The following PLAT variants were observed in gnomAD, a reference collection of about 807,000 sequenced individuals.
PLAT encodes the protein tissue-type plasminogen activator.
A neutral mutation model predicts 74.9 loss-of-function variants in PLAT; 48 were observed. The observed-to-expected ratio is 0.64, with a 90% CI of 0.51 to 0.82. PLAT has a LOEUF of 0.82. Ranked by LOEUF, PLAT falls within the 40% of genes least tolerant of loss-of-function variation. The probability of loss-of-function intolerance (pLI) is 0.00; values close to 1 mark genes in which losing one functional copy is unlikely to be tolerated. For synonymous variants in PLAT, 307 were observed against 294.4 expected, an observed-to-expected ratio of 1.04 and a Z score of -0.44; for missense variants, 673 against 736.2, an observed-to-expected ratio of 0.91 and a Z score of 0.99.
Position 42,203,990 on chromosome 8 carries a change from TATAC to T in PLAT, c.-27+3500_-27+3503del, listed in dbSNP as rs1441455149. Among the ~76,000 whole-genome samples the T allele has an allele frequency of 3.0e-3, 359 of 121,090 alleles. 5 individuals carry two copies. Among genetic ancestry groups the T allele is most frequent in the East Asian group, 5.7e-3 (26 of 4,576 alleles). 79.4% of individuals were successfully genotyped at this position (121,090 alleles called of 152,430 possible). ...TAAATTATATATATATATATATATA[TATAC>T]ACACACACACACACACACACACACA... On this transcript the variant is annotated intron_variant, in intron 1 of 13. Transcript: ENST00000220809.
At chr8:42,177,257 AC>A (rs1805010243) in intron 13 of PLAT, among the ~76,000 whole-genome samples, 1 of 151,926 alleles carries the variant, frequency 6.6e-6, no homozygotes, top group Non-Finnish European at 1.5e-5. Context: ...CACCTGACCA[AC>A]TCTTGTTTAT....
At chr8:42,194,643 T>A (rs1455997241) in intron 1 of PLAT, among the ~76,000 whole-genome samples, 4 of 152,196 alleles carry the variant, frequency 2.6e-5, no homozygotes, top group Non-Finnish European at 5.9e-5. Flanking sequence ...CTTGGACTTC[T>A]GCAGCGGAAG....
At chr8:42,179,133 A>G (rs1176287836) in intron 12 of PLAT, 70 bp from the exon 13 acceptor site, 3 of 1,077,488 alleles carry the variant, frequency 2.8e-6, no homozygotes, top group African/African-American at 3.1e-5. Flanking sequence ...GAGAAAGCCA[A>G]ATTTTCCAAT....
Position 42,185,088 on chromosome 8 carries a change from G to A in PLAT, c.624C>T (p.Cys208=), listed in dbSNP as rs771671025. The A allele has an allele frequency of 6.2e-7, 1 of 1,601,980 alleles. No individual in the cohort carries two copies. Among genetic ancestry groups the A allele is most frequent in the South Asian group, 1.1e-5 (1 of 89,520 alleles). The change falls in exon 7 of 14, where the codon TGC becomes TGT. Residue 208 remains cysteine, a synonymous_variant. Transcript: ENST00000220809. ...YSSEFCSTPA[C]SEGNSDCYFG... The stretch of plus-strand genomic sequence containing the variant: ...GGGGTGGCTGCCACTTACCCTCAGA[G>A]CAGGCAGGGGTGCTGCAGAACTCTG...
intron 1 of PLAT, among the ~76,000 whole-genome samples, chr8:42,202,517 C>A (rs1585439530): frequency 6.6e-6 from 1 of 152,094 alleles, no homozygotes; most frequent in Non-Finnish European, 1.5e-5. Flanking sequence ...GCCCCCCCAG[C>A]CCTCAAGCAC....
intron 1 of PLAT, among the ~76,000 whole-genome samples, chr8:42,201,453 T>C (rs1461825355): frequency 6.6e-6 from 1 of 152,182 alleles, no homozygotes; most frequent in Non-Finnish European, 1.5e-5. Context: ...CTGGAACAAC[T>C]TGAAGCTGCT....
At chr8:42,182,565 T>A (rs1006994803) in intron 8 of PLAT, 154 bp downstream of exon 8, 1 of 593,486 alleles carries the variant, frequency 1.7e-6, no homozygotes, top group East Asian at 2.9e-5. Flanking sequence ...TATGTGTTAT[T>A]CTAGCAAGTG....
chr8:42,191,446 A>G, intron 2 of PLAT, 32 bp from the exon 3 acceptor site: 1 of 1,608,822 alleles, frequency 6.2e-7, no homozygotes, highest in Non-Finnish European at 8.5e-7. Context: ...AGGAAGGATC[A>G]GCACATGCCA....
At chr8:42,203,992 T>TATATATATACAC (rs1554499838) in intron 1 of PLAT, among the ~76,000 whole-genome samples, 1 of 109,866 alleles carries the variant, frequency 9.1e-6, no homozygotes, top group African/African-American at 5.2e-5. Context: ...TATATATATA[T>TATATATATACAC]ACACACACAC....
chr8:42,200,014 AAC>A (rs1298345178), intron 1 of PLAT, among the ~76,000 whole-genome samples: 3 of 152,226 alleles, frequency 2.0e-5, no homozygotes, highest in Non-Finnish European at 4.4e-5. Flanking sequence ...ACTGATCAGA[AAC>A]TTTCATTGTA....
rs543172643 is a variant in PLAT, at chr8:42,175,971, T to C, written c.*22A>G. 3.1e-6 allele frequency: 5 copies of C among 1,612,596 alleles called. 1 individual carries two copies. The South Asian group carries it at 5.5e-5, about 18-fold the overall frequency. The stretch of plus-strand genomic sequence containing the variant: ...AGAAGAGGCGGGATCTCATTTGCTT[T>C]TGAGGAGTCGGGTGTTCCTGGTCAC... On this transcript the variant is annotated 3_prime_UTR_variant, in exon 14 of 14. Coordinates refer to ENST00000220809, the MANE Select transcript of PLAT (RefSeq NM_000930.5).
intron 1 of PLAT, among the ~76,000 whole-genome samples, chr8:42,202,361 C>T (rs1451582386): frequency 3.3e-5 from 5 of 151,970 alleles, no homozygotes; most frequent in East Asian, 1.9e-4. Flanking sequence ...ACTGGGTTAT[C>T]GGGTTTAGCA....
rs76539477 is a variant in PLAT at position 42,195,929 on chromosome 8, C to T, written c.-26-2718G>A. On this transcript the variant is annotated intron_variant, in intron 1 of 13. Transcript: ENST00000220809. Reference sequence around the variant, plus strand: ...ACAAGGAACTTGACCTTCTTCATCACGCTGTCCACACCACCCAGCCCTCTC... The same window carrying T: ...ACAAGGAACTTGACCTTCTTCATCATGCTGTCCACACCACCCAGCCCTCTC... 6.8e-3 allele frequency among the ~76,000 whole-genome samples: 1,029 copies of T among 152,338 alleles called. 4 individuals are homozygous for T. The highest frequency in any genetic ancestry group is 0.011 in the Admixed American group (176 of 15,308).
chr8:42,188,933 C>A lies in PLAT; in HGVS notation c.253+1G>T. 9 of 1,612,662 alleles carry A rather than the reference C, an allele frequency of 5.6e-6. No homozygotes were observed. Among genetic ancestry groups the A allele is most frequent in the Non-Finnish European group, 7.6e-6 (9 of 1,179,020 alleles). On this transcript the variant is annotated splice_donor_variant, in intron 4 of 13. Transcript: ENST00000220809. LOFTEE classifies it high-confidence loss of function. ...CACCACCTCCCAGCCTCAGTACATA[C>A]TTTTGACAGGCACTGAGTGGCACTG...
Position 42,191,411 on chromosome 8 carries a change from T to C in PLAT, c.76A>G (p.Ile26Val), listed in dbSNP as rs1214042840. Residue 26 changes from isoleucine to valine, a missense_variant, in exon 3 of 14, where the codon ATC (isoleucine) becomes GTC (valine). By Grantham distance (29) the Ile-to-Val change is conservative. Coordinates refer to ENST00000220809, the MANE Select transcript of PLAT (RefSeq NM_000930.5). Reference protein sequence around the residue: ...GAVFVSPSQEIHARFRRGARS... With the variant: ...GAVFVSPSQEVHARFRRGARS... Reference sequence around the variant, plus strand: ...GCTCCTCTTCTGAATCGGGCATGGATTTCCTGCGAAGAAACCAGAGGTGGA... The same window carrying C: ...GCTCCTCTTCTGAATCGGGCATGGACTTCCTGCGAAGAAACCAGAGGTGGA... 6.8e-6 allele frequency: 11 copies of C among 1,613,946 alleles called. No homozygotes were observed. The highest frequency in any genetic ancestry group is 9.3e-6 in the Non-Finnish European group (11 of 1,179,976).
intron 2 of PLAT, among the ~76,000 whole-genome samples, chr8:42,192,709 T>A (rs1260349034): frequency 6.6e-6 from 1 of 152,204 alleles, no homozygotes; most frequent in Non-Finnish European, 1.5e-5. Flanking sequence ...CCATTCTATA[T>A]GAGGAACTTG....
intron 8 of PLAT, 100 bp from the exon 9 acceptor site, chr8:42,182,122 C>T (rs1223781437): frequency 1.4e-6 from 1 of 719,298 alleles, no homozygotes; most frequent in Non-Finnish European, 2.4e-6. Flanking sequence ...GTCTTGAACT[C>T]CTGGGCTCAA....
Position 42,180,036 on chromosome 8 carries a change from CG to C in PLAT, c.1252del (p.Arg418AlafsTer46). ...ALLQLKSDSS[R>X]CAQESSVVRT... is the part of the protein sequence containing the mutation. ...GACCACGCTGCTCTCCTGGGCACAG[CG>C]GGACGAATCCGATTTCAGCTGCAGC... On this transcript the variant is annotated frameshift_variant, in exon 12 of 14. Coordinates refer to ENST00000220809, the MANE Select transcript of PLAT (RefSeq NM_000930.5). LOFTEE classifies it high-confidence loss of function. 6.2e-7 allele frequency: 1 copy of C among 1,608,494 alleles called. No individual in the cohort carries two copies.
At chr8:42,199,704 A>G (rs926090203) in intron 1 of PLAT, among the ~76,000 whole-genome samples, 1 of 152,194 alleles carries the variant, frequency 6.6e-6, no homozygotes, top group African/African-American at 2.4e-5. Flanking sequence ...TCCTCCCACA[A>G]TCAAAACAGA....
Sources: allele counts gnomAD v4.1 joint callset (sites outside exome capture counted in the v4.1 genomes callset), GRCh38; gene constraint gnomAD v4.1.1; transcripts MANE v1.5; gene names NCBI Gene and HGNC (gene_info 2026-07-23, HGNC 2026-07-21).